Variants in MARCHF3 observed in about 807,000 individuals in gnomAD.
The protein encoded by MARCHF3 is membrane associated ring-CH-type finger 3.
In MARCHF3, 13 loss-of-function variants were observed where a neutral mutation model predicts 24.2. The ratio of observed to expected loss-of-function variants is 0.54; its 90% CI spans 0.35 to 0.85. The LOEUF is 0.85. Among genes scored for constraint, MARCHF3 ranks in the 40% least tolerant of loss-of-function variants. The pLI is 0.01. For synonymous variants in MARCHF3, 144 were observed against 137.3 expected (o/e 1.05, Z -0.34); for missense variants, 276 against 325.0 (o/e 0.85, Z 1.16).
intron 1 of MARCHF3, among the ~76,000 whole-genome samples, chr5:126,930,491 G>T (rs1749445542): frequency 6.6e-6 from 1 of 152,222 alleles, no homozygotes; most frequent in Non-Finnish European, 1.5e-5. Flanking sequence ...GTGGAAGGGG[G>T]TCAGGAGAAC....
At chr5:127,010,953 C>T (rs1400602708) in intron 1 of MARCHF3, among the ~76,000 whole-genome samples, 2 of 151,992 alleles carry the variant, frequency 1.3e-5, no homozygotes, top group Non-Finnish European at 2.9e-5. Flanking sequence ...GTGATGGTTG[C>T]ACAATATTAT....
chr5:126,995,154 A>C (rs930779057), intron 1 of MARCHF3, among the ~76,000 whole-genome samples: 1 of 152,224 alleles, frequency 6.6e-6, no homozygotes, highest in Non-Finnish European at 1.5e-5. Flanking sequence ...AATACTTTGC[A>C]TCCTTCAATC....
intron 1 of MARCHF3, among the ~76,000 whole-genome samples, chr5:126,985,812 G>C (rs1751547614): frequency 6.6e-6 from 1 of 152,056 alleles, no homozygotes; most frequent in Admixed American, 6.6e-5. Flanking sequence ...GGGATACTTG[G>C]GTTCTGAAAA....
chr5:126,923,458 G>A (rs936992005), intron 1 of MARCHF3, among the ~76,000 whole-genome samples: 1 of 152,224 alleles, frequency 6.6e-6, no homozygotes. Context: ...AGGTGAAAAT[G>A]AGAGCAGGAG....
chr5:126,952,374 T>G, intron 1 of MARCHF3, among the ~76,000 whole-genome samples: 1 of 152,306 alleles, frequency 6.6e-6, no homozygotes, highest in East Asian at 1.9e-4. Context: ...CTCATAATAA[T>G]GCAAATTCAC....
At chr5:126,955,703 T>G (rs1472526696) in intron 1 of MARCHF3, among the ~76,000 whole-genome samples, 1 of 152,236 alleles carries the variant, frequency 6.6e-6, no homozygotes, top group Admixed American at 6.5e-5. Context: ...GACTATATAG[T>G]CTGAAACGTT....
chr5:126,952,071 T>C (rs1403721903), intron 1 of MARCHF3, among the ~76,000 whole-genome samples: 1 of 152,172 alleles, frequency 6.6e-6, no homozygotes, highest in East Asian at 1.9e-4. Context: ...GGTCTCGAAC[T>C]CCTGACCACA....
rs369692331 is a variant in MARCHF3 at position 126,954,094 on chromosome 5, G to C, written c.-56-35867C>G. 2.8e-4 allele frequency among the ~76,000 whole-genome samples: 43 copies of C among 151,398 alleles called. No homozygotes were observed. The East Asian group carries it at 3.7e-3, about 13-fold the overall frequency. ...CGGAGTCTCACCCTGTCGCCCAGGC[G>C]CAATCTCCGCTCACTGCAAGCTCCG... On this transcript the variant is annotated intron_variant, in intron 1 of 4. Coordinates refer to ENST00000308660, the MANE Select transcript of MARCHF3 (RefSeq NM_178450.5).
At chr5:126,930,193 G>A (rs1749435936) in intron 1 of MARCHF3, among the ~76,000 whole-genome samples, 1 of 152,108 alleles carries the variant, frequency 6.6e-6, no homozygotes, top group South Asian at 2.1e-4. Context: ...GCAAGTCAAG[G>A]GCATCATCCC....
chr5:126,887,291 T>C (rs1440667895), intron 3 of MARCHF3, among the ~76,000 whole-genome samples: 1 of 152,210 alleles, frequency 6.6e-6, no homozygotes, highest in African/African-American at 2.4e-5. Context: ...TAAACTCTAA[T>C]TGAAATAGAA....
In MARCHF3 at chr5:126,878,361, G is replaced by A. The variant is rs779484051; in HGVS notation, c.427C>T (p.Arg143Trp). The change falls in exon 4 of 5, where the codon CGG (arginine) becomes TGG (tryptophan). Residue 143 changes from arginine to tryptophan, a missense_variant. Transcript: ENST00000308660. The part of the protein sequence containing the change: ...LRNPGPQHEK[R>W]TLFGDMVCFL... ...CACACCATGTCGCCAAACAGAGTCC[G>A]CTTCTCATGCTGGGGGCCAGGGTTT... 3.8e-5 allele frequency: 61 copies of A among 1,613,780 alleles called. No individual in the cohort carries two copies. Among genetic ancestry groups the A allele is most frequent in the Non-Finnish European group, 4.7e-5 (55 of 1,179,888 alleles).
At chr5:127,023,139 G>A (rs1752866255) in intron 1 of MARCHF3, among the ~76,000 whole-genome samples, 1 of 152,150 alleles carries the variant, frequency 6.6e-6, no homozygotes, top group East Asian at 1.9e-4. Flanking sequence ...TAAACAAAAG[G>A]AGATTTATAA....
chr5:126,885,528 TTG>T (rs1753485216), intron 3 of MARCHF3, among the ~76,000 whole-genome samples: 1 of 151,934 alleles, frequency 6.6e-6, no homozygotes, highest in Non-Finnish European at 1.5e-5. Context: ...GATTGTGCCA[TTG>T]CATTCCAGCC....
At chr5:127,003,873 A>G (rs1458962243) in intron 1 of MARCHF3, among the ~76,000 whole-genome samples, 1 of 152,190 alleles carries the variant, frequency 6.6e-6, no homozygotes, top group Non-Finnish European at 1.5e-5. Flanking sequence ...TGTGCACACA[A>G]ACATGGTATG....
At chr5:127,009,464 T>C (rs1752413359) in intron 1 of MARCHF3, among the ~76,000 whole-genome samples, 1 of 152,210 alleles carries the variant, frequency 6.6e-6, no homozygotes, top group South Asian at 2.1e-4. Context: ...ATAGTACCCT[T>C]TCCACTTGGC....
At chr5:126,901,259 A>G (rs1483942800) in intron 3 of MARCHF3, among the ~76,000 whole-genome samples, 2 of 152,170 alleles carry the variant, frequency 1.3e-5, no homozygotes, top group African/African-American at 4.8e-5. Context: ...ACTAGATTGC[A>G]AAGAATATTG....
chr5:127,014,743 A>G (rs1752581163), intron 1 of MARCHF3, among the ~76,000 whole-genome samples: 1 of 152,168 alleles, frequency 6.6e-6, no homozygotes, highest in South Asian at 2.1e-4. Context: ...CTCATAACAG[A>G]AGCTAAAACA....
chr5:127,021,643 T>G (rs972822549), intron 1 of MARCHF3, among the ~76,000 whole-genome samples: 1 of 152,174 alleles, frequency 6.6e-6, no homozygotes, highest in African/African-American at 2.4e-5. Flanking sequence ...ATTCATTCAA[T>G]GTAAGGATGG....
chr5:126,966,905 C>CTTTTTTTTTTTTTTTTT (rs779454094), intron 1 of MARCHF3, among the ~76,000 whole-genome samples: 1 of 4,496 alleles, frequency 2.2e-4, no homozygotes, highest in Non-Finnish European at 4.3e-4. Flanking sequence ...CTGTGAGAGC[C>CTTTTTTTTTTTTTTTTT]TTTTTTTTTT....
Sources: allele counts gnomAD v4.1 joint callset (sites outside exome capture counted in the v4.1 genomes callset), GRCh38; gene constraint gnomAD v4.1.1; transcripts MANE v1.5; gene names NCBI Gene and HGNC (gene_info 2026-07-23, HGNC 2026-07-21).